TARS3: variants seen among roughly 807,000 people sequenced by gnomAD.
The protein encoded by TARS3 is threonine--tRNA ligase 2, cytoplasmic.
A neutral mutation model predicts 103.5 loss-of-function variants in TARS3; 94 were observed. The ratio of observed to expected loss-of-function variants is 0.91; its 90% CI spans 0.77 to 1.08. The LOEUF (loss-of-function observed/expected upper bound fraction) is 1.08. Ranked by LOEUF, TARS3 falls within the 50% of genes least tolerant of loss-of-function variation. The pLI is 0.00. For synonymous variants in TARS3, 416 were observed against 355.4 expected (o/e 1.17, Z -1.92); for missense variants, 952 against 995.2 (o/e 0.96, Z 0.58).
intron 10 of TARS3, 52 bp from the exon 11 acceptor site, chr15:101,686,114 C>G (rs1471620595): frequency 1.0e-5 from 15 of 1,477,604 alleles, no homozygotes; most frequent in Non-Finnish European, 1.4e-5. Context: ...GATCACAATT[C>G]CATGCAAAGT....
At chr15:101,706,186 C>G (rs1224418321) in intron 6 of TARS3, among the ~76,000 whole-genome samples, 1 of 152,174 alleles carries the variant, frequency 6.6e-6, no homozygotes, top group Non-Finnish European at 1.5e-5. Flanking sequence ...CAGGGTTTCA[C>G]TATGTTGGCC....
intron 10 of TARS3, among the ~76,000 whole-genome samples, chr15:101,697,618 T>A (rs1899043674): frequency 6.6e-6 from 1 of 152,238 alleles, no homozygotes; most frequent in Middle Eastern, 3.4e-3. Flanking sequence ...CAAAAAAGAC[T>A]CACGAGGCTT....
At chr15:101,713,277 G>A (rs1011139492) in intron 4 of TARS3, among the ~76,000 whole-genome samples, 2 of 152,196 alleles carry the variant, frequency 1.3e-5, no homozygotes, top group Non-Finnish European at 2.9e-5. Flanking sequence ...CTAACACGTA[G>A]GGGATGTGAC....
intron 5 of TARS3, among the ~76,000 whole-genome samples, chr15:101,709,684 C>G (rs897337525): frequency 2.0e-5 from 3 of 152,210 alleles, no homozygotes; most frequent in African/African-American, 7.2e-5. Flanking sequence ...TGTCTTCCCC[C>G]AAACACTGTT....
rs150433868 is a variant in TARS3, at chr15:101,709,501, G to A, written c.813-591C>T. On this transcript the variant is annotated intron_variant, in intron 5 of 18. Coordinates refer to ENST00000335968, the MANE Select transcript of TARS3 (RefSeq NM_152334.3). ...AGAGGCCTGGAACCTTCTCCCTGCAGATGTCATAAGTATCCCCATCCTCAG... is the reference window on the plus strand; with the variant it reads ...AGAGGCCTGGAACCTTCTCCCTGCAAATGTCATAAGTATCCCCATCCTCAG... Among the ~76,000 whole-genome samples, 774 of 152,308 alleles carry A rather than the reference G, an allele frequency of 5.1e-3. 24 individuals are homozygous for A. Among genetic ancestry groups the A allele is most frequent in the Admixed American group, 0.035 (532 of 15,298 alleles).
intron 15 of TARS3, among the ~76,000 whole-genome samples, chr15:101,666,016 C>T (rs1056110599): frequency 3.9e-5 from 6 of 152,252 alleles, no homozygotes; most frequent in African/African-American, 1.2e-4. Context: ...GAATTCATTT[C>T]GAGATCCTCA....
intron 12 of TARS3, among the ~76,000 whole-genome samples, chr15:101,681,479 A>G (rs751179423): frequency 6.6e-6 from 1 of 152,216 alleles, no homozygotes; most frequent in African/African-American, 2.4e-5. Flanking sequence ...TTCACTGTAT[A>G]GGTTGTGTAT....
chr15:101,655,887 C>T, intron 18 of TARS3: 1 of 1,288,212 alleles, frequency 7.8e-7, no homozygotes, highest in Non-Finnish European at 1.0e-6. Flanking sequence ...AAGGAGTGGA[C>T]ACCAGACCCA....
At chr15:101,697,863 G>A (rs1198305190) in intron 10 of TARS3, among the ~76,000 whole-genome samples, 5 of 152,202 alleles carry the variant, frequency 3.3e-5, no homozygotes, top group African/African-American at 1.2e-4. Context: ...GGCAAAGAAG[G>A]ATCGGTGTCA....
intron 10 of TARS3, among the ~76,000 whole-genome samples, chr15:101,695,414 T>A (rs1194784474): frequency 1.3e-5 from 2 of 152,252 alleles, no homozygotes; most frequent in Non-Finnish European, 2.9e-5. Flanking sequence ...CTCCTTCATG[T>A]GTATATCAGT....
intron 15 of TARS3, among the ~76,000 whole-genome samples, chr15:101,669,508 T>C (rs889777324): frequency 4.6e-5 from 7 of 152,212 alleles, no homozygotes; most frequent in Non-Finnish European, 1.0e-4. Flanking sequence ...CCTTCACATA[T>C]ACTTACAACT....
chr15:101,712,684 G>A (rs1378500216), intron 4 of TARS3, among the ~76,000 whole-genome samples: 1 of 152,132 alleles, frequency 6.6e-6, no homozygotes, highest in African/African-American at 2.4e-5. Context: ...AGTTCCCAAG[G>A]AATTCATTTT....
rs1899710223 is a variant in TARS3, at chr15:101,708,843, G to A, written c.880C>T (p.Pro294Ser). 1.9e-6 allele frequency: 3 copies of A among 1,613,412 alleles called. No individual in the cohort carries two copies. The highest frequency in any genetic ancestry group is 1.7e-5 in the Admixed American group (1 of 59,882). ...TTGCTGACTTCTAGTCTTTCAAAAGGTTGCTTTTCTTTTATGATGGCTTTA... is the reference window on the plus strand; with the variant it reads ...TTGCTGACTTCTAGTCTTTCAAAAGATTGCTTTTCTTTTATGATGGCTTTA... ...ICKAIIKEKQPFERLEVSKEI... is the reference protein window; with the variant it reads ...ICKAIIKEKQSFERLEVSKEI... Residue 294 changes from proline (P) to serine (S), a missense_variant, in exon 6 of 19, where the codon CCT (proline) becomes TCT (serine). By Grantham distance (74) the Pro-to-Ser change is moderately conservative. Coordinates refer to ENST00000335968, the MANE Select transcript of TARS3 (RefSeq NM_152334.3).
At chr15:101,721,394 A>C (rs746270178) in intron 2 of TARS3, 72 bp from the exon 3 acceptor site, 3 of 1,198,314 alleles carry the variant, frequency 2.5e-6, no homozygotes, top group Non-Finnish European at 3.6e-6. Flanking sequence ...GCTCTGAATC[A>C]GGCTCACCCC....
chr15:101,714,952 G>C lies in TARS3; in HGVS notation c.578C>G (p.Ala193Gly). ...GACTTTGGCTATTACCGTGCTTTCAGCCAGTTCCTGACTAAGAAGACAAAA... is the reference window on the plus strand; with the variant it reads ...GACTTTGGCTATTACCGTGCTTTCACCCAGTTCCTGACTAAGAAGACAAAA... ...QVAAEISQELAESTVIAKVNG... is the reference protein window; with the variant it reads ...QVAAEISQELGESTVIAKVNG... The change falls in exon 4 of 19, where the codon GCT becomes GGT. Residue 193 changes from alanine (A) to glycine (G), a missense_variant. Physicochemically the swap from Ala to Gly is moderately conservative, Grantham distance 60. Around this residue, in one of 2 missense-constraint regions of TARS3, gnomAD observed 412 missense variants for 364.2 expected, o/e 1.13. Coordinates refer to ENST00000335968, the MANE Select transcript of TARS3 (RefSeq NM_152334.3). 1 of 1,609,120 alleles carries C rather than the reference G, an allele frequency of 6.2e-7. No individual in the cohort carries two copies. Among genetic ancestry groups the C allele is most frequent in the Non-Finnish European group, 8.5e-7 (1 of 1,177,322 alleles).
intron 10 of TARS3, among the ~76,000 whole-genome samples, chr15:101,693,773 T>G (rs1898840775): frequency 6.6e-6 from 1 of 152,192 alleles, no homozygotes; most frequent in African/African-American, 2.4e-5. Context: ...CAGGGTGTTA[T>G]GCTGGGTGAA....
intron 3 of TARS3, 21 bp downstream of exon 3, chr15:101,721,105 C>A: frequency 6.3e-7 from 1 of 1,575,174 alleles, no homozygotes; most frequent in Non-Finnish European, 8.7e-7. Flanking sequence ...GATTGAATAT[C>A]TTTTCCACAC....
chr15:101,683,095 T>C (rs984370295), intron 12 of TARS3, among the ~76,000 whole-genome samples: 1 of 152,194 alleles, frequency 6.6e-6, no homozygotes, highest in African/African-American at 2.4e-5. Flanking sequence ...TTACTCTTTA[T>C]TTTCTATTTC....
chr15:101,680,478 T>C (rs1171003792), intron 12 of TARS3, among the ~76,000 whole-genome samples: 1 of 152,232 alleles, frequency 6.6e-6, no homozygotes, highest in Non-Finnish European at 1.5e-5. Flanking sequence ...TGTTGTTTCT[T>C]AGGTCCTGAT....
Sources: allele counts gnomAD v4.1 joint callset (sites outside exome capture counted in the v4.1 genomes callset), GRCh38; gene constraint gnomAD v4.1.1; regional missense constraint gnomAD v4.1.1; transcripts MANE v1.5; gene names NCBI Gene and HGNC (gene_info 2026-07-23, HGNC 2026-07-21).